PACRG: variants seen among roughly 807,000 people sequenced by gnomAD.
The protein encoded by PACRG is parkin coregulated.
Under a neutral mutation model 29.7 loss-of-function variants are expected in PACRG, and 29 were observed. That is an observed-to-expected ratio of 0.98 (90% confidence interval 0.73 to 1.33). The LOEUF (loss-of-function observed/expected upper bound fraction) is 1.33. Ranked by LOEUF, PACRG falls within the 40% of genes most tolerant of loss-of-function variation. The pLI, the probability that PACRG is intolerant of heterozygous loss-of-function variation, is 0.00. For synonymous variants in PACRG, 116 were observed against 118.7 expected (o/e 0.98, Z 0.15); for missense variants, 279 against 316.2 (o/e 0.88, Z 0.89).
intron 2 of PACRG, among the ~76,000 whole-genome samples, chr6:162,920,746 C>A (rs1357834663): frequency 6.6e-6 from 1 of 152,150 alleles, no homozygotes; most frequent in Non-Finnish European, 1.5e-5. Context: ...ATAAGGCACT[C>A]TGTCACTTTC....
At chr6:163,234,323 G>A (rs989401617) in intron 4 of PACRG, among the ~76,000 whole-genome samples, 1 of 152,124 alleles carries the variant, frequency 6.6e-6, no homozygotes, top group Non-Finnish European at 1.5e-5. Context: ...ATGGGAGTGG[G>A]TGAGTTCTCA....
chr6:163,216,515 A>T (rs1781369889), intron 4 of PACRG, among the ~76,000 whole-genome samples: 1 of 152,220 alleles, frequency 6.6e-6, no homozygotes, highest in Admixed American at 6.5e-5. Context: ...AACTATAATT[A>T]ATGTAAAGCA....
At chr6:163,230,707 C>T (rs1781986683) in intron 4 of PACRG, among the ~76,000 whole-genome samples, 1 of 63,092 alleles carries the variant, frequency 1.6e-5, no homozygotes, top group Non-Finnish European at 3.2e-5. Context: ...CTTCAAAATC[C>T]CTAAAACGTG....
At chr6:162,947,608 A>ATG (rs1554313269) in intron 2 of PACRG, among the ~76,000 whole-genome samples, 13,516 of 66,226 alleles carry the variant, frequency 0.2, 2,277 homozygotes, top group Non-Finnish European at 0.28. Flanking sequence ...ATATATATAT[A>ATG]ATCATATATA....
At chr6:163,081,568 G>A (rs1207803174) in intron 3 of PACRG, among the ~76,000 whole-genome samples, 1 of 152,116 alleles carries the variant, frequency 6.6e-6, no homozygotes. Context: ...ACTAGCTTCG[G>A]CAACATAGTG....
intron 2 of PACRG, among the ~76,000 whole-genome samples, chr6:162,932,337 G>T (rs1797913556): frequency 2.0e-5 from 3 of 152,018 alleles, no homozygotes; most frequent in Admixed American, 6.6e-5. Flanking sequence ...TGTTTCATGG[G>T]TGTACACATC....
chr6:163,267,354 T>C (rs1482973181), intron 4 of PACRG, among the ~76,000 whole-genome samples: 2 of 152,228 alleles, frequency 1.3e-5, no homozygotes, highest in African/African-American at 4.8e-5. Flanking sequence ...AAGTGCCTAT[T>C]ATTCAGCAGT....
At chr6:163,071,155 A>G (rs1812008294) in intron 3 of PACRG, among the ~76,000 whole-genome samples, 2 of 152,140 alleles carry the variant, frequency 1.3e-5, no homozygotes, top group Admixed American at 6.5e-5. Flanking sequence ...GAAAATCAAC[A>G]AAGAAACATT....
rs569327059 is a variant in PACRG at position 162,946,254 on chromosome 6, A to AG, written c.292-115894dup. 1.3e-3 allele frequency among the ~76,000 whole-genome samples: 199 copies of AG among 152,100 alleles called. 1 individual carries two copies. The highest frequency in any genetic ancestry group is 4.6e-3 in the African/African-American group (190 of 41,558). ...AATAAACCACTAGCTAGAGTAACCA[A>AG]GGAAAAAAAAATGAAAAGAAAACCT... On this transcript the variant is annotated intron_variant, in intron 2 of 4. Transcript: ENST00000366888.
chr6:162,803,318 G>C (rs1786038534), intron 1 of PACRG, among the ~76,000 whole-genome samples: 2 of 152,160 alleles, frequency 1.3e-5, no homozygotes, highest in Admixed American at 1.3e-4. Context: ...CCAGCATTTT[G>C]GTGTGACTAA....
chr6:163,200,764 A>G lies in PACRG; in HGVS notation c.613+111356A>G, dbSNP rs1250258345. Among the ~76,000 whole-genome samples, 5 of 152,336 alleles carry G rather than the reference A, an allele frequency of 3.3e-5. No individual in the cohort carries two copies. The East Asian group carries it at 9.7e-4, about 29-fold the overall frequency. The stretch of plus-strand genomic sequence containing the variant: ...TCCTTGTTTTAGATACCTTTTTAAT[A>G]GGGTGACCAATTGCCCCAGTTTGCT... On this transcript the variant is annotated intron_variant, in intron 4 of 4. Transcript: ENST00000366888.
In PACRG at chr6:162,853,921, T is replaced by G. The variant is rs1033589042; in HGVS notation, c.291+39640T>G. ...ACCATATATTCTTGAACTTAGAATA[T>G]TGTTGGGTCCATGCTAGGTATAAAT... is the stretch of plus-strand genomic sequence containing the variant. On this transcript the variant is annotated intron_variant, in intron 2 of 4. Coordinates refer to ENST00000366888, the MANE Select transcript of PACRG (RefSeq NM_001080379.2). This position sits in a 1 kb window ranked among gnomAD's most constrained non-coding sequence, Gnocchi z 4.7. 2.0e-5 allele frequency among the ~76,000 whole-genome samples: 3 copies of G among 152,146 alleles called. No homozygotes were observed. The highest frequency in any genetic ancestry group is 7.2e-5 in the African/African-American group (3 of 41,432).
At chr6:162,752,211 A>G (rs747378147) in intron 1 of PACRG, among the ~76,000 whole-genome samples, 10 of 152,212 alleles carry the variant, frequency 6.6e-5, no homozygotes, top group Non-Finnish European at 1.2e-4. Flanking sequence ...ACACACATGC[A>G]CACACACGCA....
chr6:163,221,476 C>T (rs779617006), intron 4 of PACRG, among the ~76,000 whole-genome samples: 15 of 152,188 alleles, frequency 9.9e-5, no homozygotes, highest in Non-Finnish European at 2.2e-4. Flanking sequence ...TTAATTTCAC[C>T]GTGTGCAGCT....
chr6:162,743,458 T>C (rs1780752906), intron 1 of PACRG, among the ~76,000 whole-genome samples: 1 of 152,184 alleles, frequency 6.6e-6, no homozygotes, highest in Non-Finnish European at 1.5e-5. Flanking sequence ...TATCATACTA[T>C]ATTTTACATT....
At chr6:163,118,878 G>T (rs576842423) in intron 4 of PACRG, among the ~76,000 whole-genome samples, 1 of 152,318 alleles carries the variant, frequency 6.6e-6, no homozygotes, top group East Asian at 1.9e-4. Context: ...CATGTGGGAA[G>T]TGACCCTTGC....
In PACRG at chr6:162,881,930, C is replaced by T. The variant is rs540975441; in HGVS notation, c.291+67649C>T. ...CTCTCTCCACCAAGATCGGAGACCA[C>T]AGGGTCCTCTCCACCAAGACCAGAG... On this transcript the variant is annotated intron_variant, in intron 2 of 4. Coordinates refer to ENST00000366888, the MANE Select transcript of PACRG (RefSeq NM_001080379.2). Among the ~76,000 whole-genome samples the T allele has an allele frequency of 2.7e-4, 31 of 112,984 alleles. 1 individual carries two copies. The highest frequency in any genetic ancestry group is 7.6e-3 in the Middle Eastern group (1 of 132). The allele number at this position is 112,984 out of a possible 152,430, so 74.1% of individuals were successfully genotyped here. A position where few individuals can be genotyped will look rare whatever the true frequency, so the allele number is the denominator to read the frequency against.
At chr6:163,100,094 C>G (rs932125594) in intron 4 of PACRG, among the ~76,000 whole-genome samples, 5 of 152,024 alleles carry the variant, frequency 3.3e-5, no homozygotes, top group Non-Finnish European at 7.4e-5. Flanking sequence ...GCTGCCTGGA[C>G]TCCTGGGCTG....
In PACRG at chr6:162,759,080, C is replaced by T. The variant is rs141913859; in HGVS notation, c.156+30689C>T. On this transcript the variant is annotated intron_variant, in intron 1 of 4. Coordinates refer to ENST00000366888, the MANE Select transcript of PACRG (RefSeq NM_001080379.2). ...ACATGGAATTGCCTTTATTATTGAT[C>T]TGAATAAAGTGGGTGGAGGAACATT... Among the ~76,000 whole-genome samples the T allele has an allele frequency of 6.3e-3, 953 of 152,310 alleles. 7 individuals are homozygous for T. The highest frequency in any genetic ancestry group is 0.01 in the Middle Eastern group (3 of 294).
Sources: gnomAD v4.1 joint callset for allele counts (sites outside exome capture counted in the v4.1 genomes callset) on GRCh38, gnomAD v4.1.1 for gene constraint, Gnocchi (gnomAD v3.1) non-coding constraint, MANE v1.5 for transcripts, NCBI Gene and HGNC (gene_info 2026-07-23, HGNC 2026-07-21) for gene names.